GABBR2: variants seen among roughly 807,000 people sequenced by gnomAD.
GABBR2 encodes G-protein coupled receptor 51.
A neutral mutation model predicts 105.6 loss-of-function variants in GABBR2; 23 were observed. That is an observed-to-expected ratio of 0.22 (90% CI 0.16 to 0.31). The LOEUF (loss-of-function observed/expected upper bound fraction) is 0.31, where lower values mean the gene tolerates loss of function less well. Among genes scored for constraint, GABBR2 ranks in the 10% least tolerant of loss-of-function variants. The pLI, the probability that GABBR2 is intolerant of heterozygous loss-of-function variation, is 1.00. For synonymous variants in GABBR2, 478 were observed against 499.7 expected (o/e 0.96, Z 0.58); for missense variants, 734 against 1,245.5 (o/e 0.59, Z 6.18).
intron 13 of GABBR2, among the ~76,000 whole-genome samples, chr9:98,337,437 C>T (rs1016339279): frequency 5.3e-5 from 8 of 152,266 alleles, no homozygotes; most frequent in South Asian, 4.1e-4. Context: ...CTCAAATCAA[C>T]GCTTATGAAA....
At chr9:98,444,877 G>A (rs1361949131) in intron 7 of GABBR2, among the ~76,000 whole-genome samples, 4 of 96,514 alleles carry the variant, frequency 4.1e-5, no homozygotes, top group Admixed American at 3.2e-4. Context: ...ATGCGCGCGC[G>A]CGCACACACA....
At chr9:98,396,344 G>C (rs563285975) in intron 8 of GABBR2, among the ~76,000 whole-genome samples, 4 of 152,242 alleles carry the variant, frequency 2.6e-5, no homozygotes, top group South Asian at 4.1e-4. Context: ...GCCTCCTGGG[G>C]CTCTAGCTCT....
chr9:98,473,187 C>T lies in GABBR2; in HGVS notation c.958G>A (p.Glu320Lys), dbSNP rs1201096644. Residue 320 changes from glutamate (E) to lysine (K), a missense_variant, in exon 6 of 19, where the codon GAG becomes AAG. By Grantham distance (56) the Glu-to-Lys change is moderately conservative. Coordinates refer to ENST00000259455, the MANE Select transcript of GABBR2 (RefSeq NM_005458.8). ...TTGATCTGCTTGGAGCTCAGGGGCT[C>T]GAAATCCACGCCAATGTAGCCCTCC... ...AMEGYIGVDF[E>K]PLSSKQIKTI... The T allele has an allele frequency of 6.2e-7, 1 of 1,613,812 alleles. No homozygotes were observed. The highest frequency in any genetic ancestry group is 8.5e-7 in the Non-Finnish European group (1 of 1,179,934).
At chr9:98,348,383 T>C (rs1392978358) in intron 13 of GABBR2, among the ~76,000 whole-genome samples, 1 of 152,236 alleles carries the variant, frequency 6.6e-6, no homozygotes, top group African/African-American at 2.4e-5. Flanking sequence ...TTCTGCTTTA[T>C]ATCTTTTGCT....
intron 1 of GABBR2, among the ~76,000 whole-genome samples, chr9:98,641,852 G>A (rs561656519): frequency 6.6e-6 from 1 of 152,310 alleles, no homozygotes; most frequent in East Asian, 1.9e-4. Context: ...AATAAAAGGA[G>A]AGAAGGCAGC....
At chr9:98,302,941 G>A in intron 16 of GABBR2, 1 of 393,674 alleles carries the variant, frequency 2.5e-6, no homozygotes, top group Non-Finnish European at 4.5e-6. Context: ...GACGTAGGAA[G>A]CTATGATAAT....
rs998137527 is a variant in GABBR2, at chr9:98,454,976, T to G, written c.1000-759A>C. Among the ~76,000 whole-genome samples the G allele has an allele frequency of 6.6e-6, 1 of 152,152 alleles. No individual in the cohort carries two copies. The highest frequency in any genetic ancestry group is 1.5e-5 in the Non-Finnish European group (1 of 68,024). ...CTGGAAGCTGGAAGGGGTGCAGGTC[T>G]GAGTGGGCTGTGTCCGTGGCTTGCA... On this transcript the variant is annotated intron_variant, in intron 6 of 18. Transcript: ENST00000259455. The surrounding 1 kb of genome is among the most constrained non-coding windows in gnomAD (Gnocchi z 4.6).
intron 7 of GABBR2, among the ~76,000 whole-genome samples, chr9:98,427,546 C>G (rs554936051): frequency 1.3e-5 from 2 of 152,362 alleles, no homozygotes; most frequent in African/African-American, 4.8e-5. Flanking sequence ...CCAAATGACT[C>G]TTGCCTCCTG....
chr9:98,564,956 A>G (rs1828729402), intron 2 of GABBR2, among the ~76,000 whole-genome samples: 1 of 152,164 alleles, frequency 6.6e-6, no homozygotes, highest in African/African-American at 2.4e-5. Context: ...CAGGAAATAC[A>G]GAGGACTGAG....
intron 2 of GABBR2, among the ~76,000 whole-genome samples, chr9:98,569,077 CT>C (rs1828789592): frequency 6.6e-6 from 1 of 152,178 alleles, no homozygotes; most frequent in South Asian, 2.1e-4. Context: ...AATGGCCCCC[CT>C]GGAGACCAGT....
chr9:98,580,100 C>T (rs1195695424), intron 1 of GABBR2, among the ~76,000 whole-genome samples: 6 of 152,186 alleles, frequency 3.9e-5, no homozygotes, highest in East Asian at 1.9e-4. Context: ...TCCCTTTTCT[C>T]TTCCCTTTGC....
intron 7 of GABBR2, among the ~76,000 whole-genome samples, chr9:98,434,425 G>A (rs925380688): frequency 5.3e-5 from 8 of 152,166 alleles, no homozygotes; most frequent in Admixed American, 5.2e-4. Flanking sequence ...GCCAGTCAGT[G>A]GTGTGCTGGT....
intron 1 of GABBR2, among the ~76,000 whole-genome samples, chr9:98,671,059 TAA>T (rs1830400772): frequency 6.6e-6 from 1 of 152,198 alleles, no homozygotes; most frequent in Non-Finnish European, 1.5e-5. Flanking sequence ...ACCTATTTTT[TAA>T]AAGACACCAA....
At chr9:98,533,381 A>G (rs1443514670) in intron 3 of GABBR2, among the ~76,000 whole-genome samples, 1 of 152,042 alleles carries the variant, frequency 6.6e-6, no homozygotes, top group Non-Finnish European at 1.5e-5. Flanking sequence ...AAGAGAGGGA[A>G]TGGACTCTTC....
At chr9:98,345,469 CT>C (rs1362508727) in intron 13 of GABBR2, among the ~76,000 whole-genome samples, 1 of 152,178 alleles carries the variant, frequency 6.6e-6, no homozygotes, top group African/African-American at 2.4e-5. Flanking sequence ...GGCTTTTTAA[CT>C]TTTTAAGAAA....
At position 98,585,833 on chromosome 9, in the gene GABBR2, A is replaced by G. The variant is rs1429813962; in HGVS notation, c.322-7761T>C. ...AATATGACACTCAATAAAAATGTTC[A>G]CTGGAGCATTTTGGATTTTGAATAT... On this transcript the variant is annotated intron_variant, in intron 1 of 18. Coordinates refer to ENST00000259455, the MANE Select transcript of GABBR2 (RefSeq NM_005458.8). Among the ~76,000 whole-genome samples, 9 of 85,236 alleles carry G rather than the reference A, an allele frequency of 1.1e-4. 2 individuals are homozygous for G. The highest frequency in any genetic ancestry group is 8.7e-4 in the Admixed American group (9 of 10,328). 55.9% of individuals were successfully genotyped at this position (85,236 alleles called of 152,430 possible).
At chr9:98,362,529 T>A (rs927515300) in intron 13 of GABBR2, 186 bp downstream of exon 13, 3 of 367,578 alleles carry the variant, frequency 8.2e-6, no homozygotes, top group African/African-American at 6.3e-5. Context: ...AATATTAAAA[T>A]CAACTTCTTT....
chr9:98,519,611 T>C (rs910064553), intron 3 of GABBR2, among the ~76,000 whole-genome samples: 5 of 152,094 alleles, frequency 3.3e-5, no homozygotes, highest in African/African-American at 1.2e-4. Flanking sequence ...TTGAGTCAAC[T>C]GCCCAAGGTC....
intron 1 of GABBR2, among the ~76,000 whole-genome samples, chr9:98,621,742 T>C (rs922731495): frequency 2.6e-5 from 4 of 152,200 alleles, no homozygotes; most frequent in Admixed American, 6.5e-5. Context: ...TTATTTGTCA[T>C]GATTTTCATT....
Sources: gnomAD v4.1 joint callset for allele counts (sites outside exome capture counted in the v4.1 genomes callset) on GRCh38, gnomAD v4.1.1 for gene constraint, Gnocchi (gnomAD v3.1) non-coding constraint, MANE v1.5 for transcripts, NCBI Gene and HGNC (gene_info 2026-07-23, HGNC 2026-07-21) for gene names.